ZNF680: variants seen among roughly 807,000 people sequenced by gnomAD.
ZNF680 encodes hypothetical protein FLJ90430.
ZNF680 carries 6 observed loss-of-function variants against 12.1 expected under a neutral mutation model. That is an observed-to-expected ratio of 0.49 (90% CI 0.27 to 0.98). The LOEUF (loss-of-function observed/expected upper bound fraction) is 0.98. ZNF680 is among the 50% of genes least tolerant of loss of function. The pLI is 0.12. For synonymous variants in ZNF680, 170 were observed against 199.3 expected, an observed-to-expected ratio of 0.85 and a Z score of 1.24; for missense variants, 561 against 616.3, an observed-to-expected ratio of 0.91 and a Z score of 0.95.
chr7:64,534,532 G>A (rs753869545), intron 3 of ZNF680, among the ~76,000 whole-genome samples: 20 of 152,180 alleles, frequency 1.3e-4, no homozygotes, highest in African/African-American at 2.4e-5. Flanking sequence ...CACAGATGCG[G>A]TGATCAGGGA....
chr7:64,502,598 A>C, the ZNF680 span, among the ~76,000 whole-genome samples: 3 of 152,180 alleles, frequency 2.0e-5, no homozygotes, highest in Non-Finnish European at 4.4e-5. Flanking sequence ...TTTGCTTTTT[A>C]AGGTTGATAC....
intron 1 of ZNF680, among the ~76,000 whole-genome samples, chr7:64,555,127 A>T (rs187217703): frequency 1.3e-5 from 2 of 152,348 alleles, no homozygotes; most frequent in African/African-American, 4.8e-5. Flanking sequence ...TTAGGGCAGA[A>T]AATTTACAAA....
At chr7:64,560,270 C>A (rs1042231166) in intron 1 of ZNF680, among the ~76,000 whole-genome samples, 1 of 151,952 alleles carries the variant, frequency 6.6e-6, no homozygotes, top group East Asian at 2.0e-4. Flanking sequence ...TGTACCACCA[C>A]GCCCGGCTAA....
At chr7:64,511,158 T>C in the ZNF680 span, among the ~76,000 whole-genome samples, 1 of 151,434 alleles carries the variant, frequency 6.6e-6, no homozygotes, top group Non-Finnish European at 1.5e-5. Flanking sequence ...TAATCCCAGC[T>C]ACTTGGGAGG....
the ZNF680 span, among the ~76,000 whole-genome samples, chr7:64,505,093 T>G: frequency 1.3e-5 from 2 of 152,218 alleles, no homozygotes; most frequent in Admixed American, 1.3e-4. Flanking sequence ...AATTTTAGAT[T>G]TTAAAAGGTC....
chr7:64,501,219 T>G, the ZNF680 span: 1 of 866,924 alleles, frequency 1.2e-6, no homozygotes, highest in Admixed American at 1.7e-5. Flanking sequence ...GGGATTATTG[T>G]GAAAGGATGT....
chr7:64,561,298 C>CTGA (rs1787720354), intron 1 of ZNF680: 1 of 152,728 alleles, frequency 6.5e-6, no homozygotes, highest in African/African-American at 2.4e-5. Flanking sequence ...GACCCAGGAG[C>CTGA]TGATATTCAT....
At chr7:64,514,003 AATC>A in the ZNF680 span, among the ~76,000 whole-genome samples, 1 of 152,164 alleles carries the variant, frequency 6.6e-6, no homozygotes, top group Admixed American at 6.6e-5. Context: ...TCAAATTTTA[AATC>A]ATCATTTTAG....
chr7:64,535,526 A>T (rs1786119132), intron 3 of ZNF680, among the ~76,000 whole-genome samples: 1 of 152,190 alleles, frequency 6.6e-6, no homozygotes, highest in Non-Finnish European at 1.5e-5. Context: ...TCTCTATACG[A>T]GACTCATTTT....
At chr7:64,527,755 C>G (rs770464238) in intron 3 of ZNF680, among the ~76,000 whole-genome samples, 1 of 151,906 alleles carries the variant, frequency 6.6e-6, no homozygotes, top group Non-Finnish European at 1.5e-5. Flanking sequence ...ATCAGTTGAT[C>G]TCAAGAATTT....
In ZNF680 at chr7:64,522,149, C is replaced by G. The variant is rs201954238; in HGVS notation, c.605G>C (p.Arg202Thr). The G allele has an allele frequency of 6.2e-7, 1 of 1,612,632 alleles. No homozygotes were observed. The highest frequency in any genetic ancestry group is 1.7e-4 in the Middle Eastern group (1 of 6,044). Residue 202 changes from arginine to threonine, a missense_variant, in exon 4 of 4, where the codon AGA becomes ACA. Arg to Thr is a moderately conservative substitution (Grantham distance 71, BLOSUM62 -1). Coordinates refer to ENST00000309683, the MANE Select transcript of ZNF680 (RefSeq NM_178558.5). ...CMLSHLTQHIRIHTRENSYKC... is the reference protein window; with the variant it reads ...CMLSHLTQHITIHTRENSYKC... ...GTAAGAATTCTCTCTAGTGTGAATTCTTATATGTTGTGTTAGATGTGAAAG... is the reference window on the plus strand; with the variant it reads ...GTAAGAATTCTCTCTAGTGTGAATTGTTATATGTTGTGTTAGATGTGAAAG...
chr7:64,510,228 TA>T, the ZNF680 span, among the ~76,000 whole-genome samples: 1,212 of 146,660 alleles, frequency 8.3e-3, 13 homozygotes, highest in African/African-American at 0.024. Flanking sequence ...AAATACGTAA[TA>T]AAAAAAAAAA....
chr7:64,529,221 A>C (rs867385989), intron 3 of ZNF680, among the ~76,000 whole-genome samples: 5 of 152,334 alleles, frequency 3.3e-5, no homozygotes, highest in Admixed American at 1.3e-4. Context: ...AGGAACCAAA[A>C]AACCAACTCT....
the ZNF680 span, among the ~76,000 whole-genome samples, chr7:64,507,380 T>C: frequency 6.7e-6 from 1 of 150,340 alleles, no homozygotes; most frequent in Non-Finnish European, 1.5e-5. Context: ...GCAGGGACTA[T>C]AGTAAACAAT....
At chr7:64,510,692 C>T in the ZNF680 span, among the ~76,000 whole-genome samples, 6 of 147,574 alleles carry the variant, frequency 4.1e-5, no homozygotes, top group African/African-American at 1.0e-4. Context: ...GGGCGGATCA[C>T]GAGGTCAGGA....
At chr7:64,526,580 G>A in intron 3 of ZNF680, 3 of 393,500 alleles carry the variant, frequency 7.6e-6, no homozygotes, top group Non-Finnish European at 9.0e-6. Flanking sequence ...AAATGATGCT[G>A]GACAGCATCA....
intron 3 of ZNF680, chr7:64,526,010 C>G (rs1791822499): frequency 1.0e-6 from 1 of 984,028 alleles, no homozygotes; most frequent in Non-Finnish European, 1.2e-6. Flanking sequence ...GAGTTAAATA[C>G]TGGCATACTC....
intron 3 of ZNF680, among the ~76,000 whole-genome samples, chr7:64,539,363 A>AAAAAAAAAAAC: frequency 6.9e-6 from 1 of 143,966 alleles, no homozygotes; most frequent in African/African-American, 2.6e-5. Context: ...AAAAAAAAAA[A>AAAAAAAAAAAC]AAAAAAAAAA....
chr7:64,501,654 G>A, the ZNF680 span: 1 of 967,244 alleles, frequency 1.0e-6, no homozygotes, highest in Admixed American at 1.7e-5. Flanking sequence ...GCCAGCTGGA[G>A]TTGACCAAGG....
Sources: gnomAD v4.1 joint callset for allele counts (sites outside exome capture counted in the v4.1 genomes callset) on GRCh38, gnomAD v4.1.1 for gene constraint, MANE v1.5 for transcripts, NCBI Gene and HGNC (gene_info 2026-07-23, HGNC 2026-07-21) for gene names.